The following CTC1 variants were observed in gnomAD, a reference collection of about 807,000 sequenced individuals.
CTC1 encodes CST complex subunit CTC1.
In CTC1, 91 loss-of-function variants were observed where a neutral mutation model predicts 136.3. The observed-to-expected ratio is 0.67, with a 90% CI of 0.56 to 0.79. CTC1 has a LOEUF of 0.79. Ranked by LOEUF, CTC1 falls within the 30% of genes least tolerant of loss-of-function variation. CTC1 has a pLI of 0.00. For missense variants in CTC1, 1,432 were observed against 1,498.1 expected, an observed-to-expected ratio of 0.96 and a Z score of 0.73; for synonymous variants, 606 against 613.8, an observed-to-expected ratio of 0.99 and a Z score of 0.19.
rs1450023686 is a variant in CTC1, at chr17:8,238,093, A to T, written c.585T>A (p.Pro195=). ...GGACAGGGATAGGCGTGACGGGGCC[A>T]GGACTGATGGTCAAAGGAAACACTG... The part of the protein sequence containing the change: ...PVPVFPLTIS[P]GPVTPIPVLY... The change falls in exon 4 of 23, where the codon CCT becomes CCA. Residue 195 remains proline (P), a synonymous_variant. Transcript: ENST00000651323. The T allele has an allele frequency of 6.2e-7, 1 of 1,614,196 alleles. No individual in the cohort carries two copies.
At chr17:8,242,722 A>C (rs1030795837) in intron 2 of CTC1, among the ~76,000 whole-genome samples, 1 of 151,580 alleles carries the variant, frequency 6.6e-6, no homozygotes, top group Non-Finnish European at 1.5e-5. Context: ...CTCTTTCCCC[A>C]CTTCGAGAGT....
chr17:8,231,903 C>T lies in CTC1; in HGVS notation c.2385G>A (p.Lys795=). The change falls in exon 13 of 23, where the codon AAG becomes AAA. Residue 795 remains lysine (K), a splice_region_variant and synonymous_variant. Transcript: ENST00000651323. ...CTGGGTCCCTGGAGTCCCAGTTTAC[C>T]TTCTGATCATTGTCGTCATTTCCCT... ...EPQGNDDNDQ[K]VHLIFFGSSV... is the part of the protein sequence containing the mutation. The T allele has an allele frequency of 3.1e-6, 5 of 1,613,680 alleles. No homozygotes were observed. The highest frequency in any genetic ancestry group is 4.2e-6 in the Non-Finnish European group (5 of 1,179,834).
rs1252023203 is a variant in CTC1 at position 8,248,022 on chromosome 17, C to G, written c.15G>C (p.Arg5=). The G allele has an allele frequency of 3.1e-6, 5 of 1,592,240 alleles. No individual in the cohort carries two copies. Among genetic ancestry groups the G allele is most frequent in the Non-Finnish European group, 4.3e-6 (5 of 1,167,104 alleles). MAAG[R]AQVPSSEQAW... ...CACTCACGGAGGAAGGGACCTGGGC[C>G]CGGCCAGCCGCCATGATGCGCCGGA... The change falls in exon 1 of 23, where the codon CGG becomes CGC. Residue 5 remains arginine, a synonymous_variant. Coordinates refer to ENST00000651323, the MANE Select transcript of CTC1 (RefSeq NM_025099.6).
chr17:8,238,579 C>T lies in CTC1; in HGVS notation c.248G>A (p.Ser83Asn), dbSNP rs78870822. ...TGCACTACTGCTCCACGACAGGTGG[C>T]TGCAGCATGGGAGACGCTGGTGAGT... ...LKTHQRLPCC[S>N]HLSWSSSAYQ... Residue 83 changes from serine (S) to asparagine (N), a missense_variant, in exon 3 of 23, where the codon AGC becomes AAC. Ser to Asn is a conservative substitution (Grantham distance 46, BLOSUM62 1). Transcript: ENST00000651323. The T allele has an allele frequency of 1.7e-5, 27 of 1,613,726 alleles. No individual in the cohort carries two copies. The African/African-American group carries it at 3.5e-4, about 21-fold the overall frequency.
chr17:8,244,256 G>C (rs1388937688), intron 1 of CTC1, among the ~76,000 whole-genome samples: 1 of 152,112 alleles, frequency 6.6e-6, no homozygotes, highest in Non-Finnish European at 1.5e-5. Context: ...TTTGTTTCCT[G>C]TTGTCTTTTC....
At chr17:8,232,804 C>A in intron 11 of CTC1, 102 bp downstream of exon 11, 1 of 1,454,802 alleles carries the variant, frequency 6.9e-7, no homozygotes, top group Non-Finnish European at 9.5e-7. Context: ...TGTGTCACTT[C>A]TGCATCTCTA....
chr17:8,226,571 G>A lies in CTC1; in HGVS notation c.*1609C>T, dbSNP rs931815798. On this transcript the variant is annotated 3_prime_UTR_variant, in exon 23 of 23. Transcript: ENST00000651323. The stretch of plus-strand genomic sequence containing the variant: ...GTGCCGACTGGATCATCCCATCCTG[G>A]AGAGAAATATGGTCAGTATGCTGAA... The A allele has an allele frequency of 2.6e-5, 4 of 151,972 alleles. No individual in the cohort carries two copies. Among genetic ancestry groups the A allele is most frequent in the Admixed American group, 6.6e-5 (1 of 15,244 alleles). 9.4% of individuals were successfully genotyped at this position (151,972 alleles called of 1,614,324 possible).
At position 8,231,780 on chromosome 17, in the gene CTC1, C is replaced by A. The variant is rs765221206; in HGVS notation, c.2421G>T (p.Trp807Cys). ...CCTGTCCCGGGTGCAAGAACTCAAA[C>A]CAGCGGACTGAAGAGCCAAAGAAAA... ...HLIFFGSSVRWFEFLHPGQVY... is the reference protein window; with the variant it reads ...HLIFFGSSVRCFEFLHPGQVY... The change falls in exon 14 of 23, where the codon TGG becomes TGT. Residue 807 changes from tryptophan (W) to cysteine (C), a missense_variant. Trp to Cys is a radical substitution (Grantham distance 215). Coordinates refer to ENST00000651323, the MANE Select transcript of CTC1 (RefSeq NM_025099.6). The A allele has an allele frequency of 6.2e-7, 1 of 1,614,196 alleles. No homozygotes were observed. Among genetic ancestry groups the A allele is most frequent in the Non-Finnish European group, 8.5e-7 (1 of 1,180,038 alleles).
intron 2 of CTC1, 89 bp downstream of exon 2, chr17:8,242,896 G>T (rs1333006057): frequency 4.1e-6 from 5 of 1,220,006 alleles, no homozygotes; most frequent in Non-Finnish European, 5.7e-6. Flanking sequence ...TCTCTCACTT[G>T]CCCTTTTTCT....
chr17:8,230,482 G>A lies in CTC1; in HGVS notation c.2759-14C>T, dbSNP rs1170013829. 1.2e-6 allele frequency: 2 copies of A among 1,613,600 alleles called. No individual in the cohort carries two copies. Among genetic ancestry groups the A allele is most frequent in the Non-Finnish European group, 1.7e-6 (2 of 1,179,718 alleles). ...CCCCCGTGTTCCCTATAGAAGGAAG[G>A]TGGGTGTTAGTAGGATCTGTGAAGT... On this transcript the variant is annotated splice_polypyrimidine_tract_variant and intron_variant, in intron 16 of 22. Transcript: ENST00000651323.
At chr17:8,239,504 C>G (rs1170961204) in intron 2 of CTC1, among the ~76,000 whole-genome samples, 1 of 151,332 alleles carries the variant, frequency 6.6e-6, no homozygotes, top group East Asian at 1.9e-4. Flanking sequence ...TACCATTATT[C>G]TCGCTTGCAT....
chr17:8,238,061 G>A lies in CTC1; in HGVS notation c.617C>T (p.Pro206Leu). The change falls in exon 4 of 23, where the codon CCA (proline) becomes CTA (leucine). Residue 206 changes from proline (P) to leucine (L), a missense_variant. Coordinates refer to ENST00000651323, the MANE Select transcript of CTC1 (RefSeq NM_025099.6). ...GPVTPIPVLYPESASCLLRLR... is the reference protein window; with the variant it reads ...GPVTPIPVLYLESASCLLRLR... ...CCTGAGCAGGCAGGAAGCACTCTCT[G>A]GGTAGAGGACAGGGATAGGCGTGAC... is the stretch of plus-strand genomic sequence containing the variant. 1 of 1,614,082 alleles carries A rather than the reference G, an allele frequency of 6.2e-7. No individual in the cohort carries two copies. Among genetic ancestry groups the A allele is most frequent in the Middle Eastern group, 1.7e-4 (1 of 6,038 alleles).
Position 8,230,589 on chromosome 17 carries a change from A to G in CTC1, c.2732T>C (p.Leu911Pro), listed in dbSNP as rs1478962161. The change falls in exon 16 of 23, where the codon CTT (leucine) becomes CCT (proline). Residue 911 changes from leucine to proline, a missense_variant. Transcript: ENST00000651323. ...EILSRTLCEP[L>P]VASLWMKLGN... ...CAGTTTCATCCAGAGAGACGCCACA[A>G]GGGGTTCACATAGTGTCCGTGACAA... 6 of 1,614,082 alleles carry G rather than the reference A, an allele frequency of 3.7e-6. No homozygotes were observed. The highest frequency in any genetic ancestry group is 5.1e-6 in the Non-Finnish European group (6 of 1,180,024).
At chr17:8,235,409 G>C in intron 7 of CTC1, 124 bp from the exon 8 acceptor site, 1 of 709,944 alleles carries the variant, frequency 1.4e-6, no homozygotes, top group Middle Eastern at 3.7e-4. Context: ...TTTCTCCCAC[G>C]TGGGCTGGCC....
chr17:8,243,194 C>A, intron 1 of CTC1, 46 bp from the exon 2 acceptor site: 2 of 1,567,296 alleles, frequency 1.3e-6, no homozygotes, highest in African/African-American at 1.4e-5. Flanking sequence ...ATCCGGCCCA[C>A]CAAGGAAACT....
chr17:8,234,702 G>A (rs1346516810), intron 9 of CTC1, 47 bp from the exon 10 acceptor site: 1 of 1,584,996 alleles, frequency 6.3e-7, no homozygotes, highest in Non-Finnish European at 8.6e-7. Context: ...ATGGGCCCCA[G>A]GTGTCCTCCA....
chr17:8,244,855 C>T (rs990506621), intron 1 of CTC1, among the ~76,000 whole-genome samples: 1 of 151,922 alleles, frequency 6.6e-6, no homozygotes, highest in Admixed American at 6.6e-5. Context: ...TTAAGGAGCT[C>T]GAAAAGAGCT....
chr17:8,231,827 G>C lies in CTC1; in HGVS notation c.2386-12C>G. On this transcript the variant is annotated splice_polypyrimidine_tract_variant and intron_variant, in intron 13 of 22. Coordinates refer to ENST00000651323, the MANE Select transcript of CTC1 (RefSeq NM_025099.6). ...AAAATGAGGTGAACCTGGGAGGATGGAGAGCAAAGTGCTGGGATCCTAGCC... is the reference window on the plus strand; with the variant it reads ...AAAATGAGGTGAACCTGGGAGGATGCAGAGCAAAGTGCTGGGATCCTAGCC... 5 of 1,614,146 alleles carry C rather than the reference G, an allele frequency of 3.1e-6. No homozygotes were observed. The highest frequency in any genetic ancestry group is 4.2e-6 in the Non-Finnish European group (5 of 1,179,986).
rs1567591427 is a variant in CTC1 at position 8,226,366 on chromosome 17, G to A, written c.*1814C>T. 2 of 152,156 alleles carry A rather than the reference G, an allele frequency of 1.3e-5. No individual in the cohort carries two copies. The highest frequency in any genetic ancestry group is 4.8e-5 in the African/African-American group (2 of 41,436). The allele number at this position is 152,156 out of a possible 1,614,324, so 9.4% of individuals were successfully genotyped here. A position where few individuals can be genotyped will look rare whatever the true frequency, so the allele number is the denominator to read the frequency against. Reference sequence around the variant, plus strand: ...ACAAGAATATAGAGCTAGGAACCCGGACCGAGCTTTTTCAGATCTTTCTAG... The same window carrying A: ...ACAAGAATATAGAGCTAGGAACCCGAACCGAGCTTTTTCAGATCTTTCTAG... On this transcript the variant is annotated 3_prime_UTR_variant, in exon 23 of 23. Coordinates refer to ENST00000651323, the MANE Select transcript of CTC1 (RefSeq NM_025099.6).
Sources: allele counts gnomAD v4.1 joint callset (sites outside exome capture counted in the v4.1 genomes callset), GRCh38; gene constraint gnomAD v4.1.1; transcripts MANE v1.5; gene names NCBI Gene and HGNC (gene_info 2026-07-23, HGNC 2026-07-21).